The following NSUN6 variants were observed in gnomAD, a reference collection of about 807,000 sequenced individuals.
The protein encoded by NSUN6 is NOP2/Sun RNA methyltransferase 6, also known as tRNA (cytosine(72)-C(5))-methyltransferase NSUN6.
Under a neutral mutation model 58.0 loss-of-function variants are expected in NSUN6, and 64 were observed. The ratio of observed to expected loss-of-function variants is 1.10; its 90% CI spans 0.90 to 1.36. NSUN6 has a LOEUF of 1.36. Among genes scored for constraint, NSUN6 ranks in the 40% most tolerant of loss-of-function variants. The pLI is 0.00. For synonymous variants in NSUN6, 231 were observed against 193.9 expected (o/e 1.19, Z -1.59); for missense variants, 701 against 550.1 (o/e 1.27, Z -2.74).
In NSUN6 at chr10:18,626,628, C is replaced by T. The variant is rs974170779; in HGVS notation, c.312-10335G>A. ...ACTAAAAATACAAAAATTAGCTCAG[C>T]GTGATGCCAGACGCCTGTAATTCCA... is the stretch of plus-strand genomic sequence containing the variant. On this transcript the variant is annotated intron_variant, in intron 3 of 10. Transcript: ENST00000377304. Among the ~76,000 whole-genome samples the T allele has an allele frequency of 5.3e-5, 8 of 152,236 alleles. No homozygotes were observed. In the East Asian group the frequency reaches 5.8e-4, roughly 11 times the overall value.
intron 3 of NSUN6, among the ~76,000 whole-genome samples, chr10:18,626,149 A>G (rs1001903911): frequency 6.6e-6 from 1 of 152,058 alleles, no homozygotes. Context: ...TGAGAAATAA[A>G]CTGTGCCATA....
At chr10:18,602,640 G>A (rs1182349804) in intron 6 of NSUN6, among the ~76,000 whole-genome samples, 1 of 152,150 alleles carries the variant, frequency 6.6e-6, no homozygotes, top group African/African-American at 2.4e-5. Context: ...AAAGTGCTGG[G>A]ATTACAGGTA....
chr10:18,658,215 T>G (rs1439331522), upstream of NSUN6: 1 of 152,246 alleles, frequency 6.6e-6, no homozygotes, highest in Non-Finnish European at 1.5e-5. Context: ...AGGTTGAAAC[T>G]TGCCTTTAAT....
intron 8 of NSUN6, among the ~76,000 whole-genome samples, chr10:18,564,101 T>C (rs1450212133): frequency 1.3e-5 from 2 of 151,256 alleles, no homozygotes; most frequent in African/African-American, 4.8e-5. Context: ...CCATTCTCTA[T>C]TCCATTCCAT....
intron 8 of NSUN6, among the ~76,000 whole-genome samples, 182 bp downstream of exon 8, chr10:18,585,767 C>G (rs1465991704): frequency 6.8e-6 from 1 of 146,866 alleles, no homozygotes; most frequent in Non-Finnish European, 1.5e-5. Context: ...TTTTGTGTTT[C>G]AAAGCTGCTA....
At chr10:18,627,402 T>C (rs2058849571) in intron 3 of NSUN6, among the ~76,000 whole-genome samples, 1 of 152,054 alleles carries the variant, frequency 6.6e-6, no homozygotes, top group East Asian at 1.9e-4. Context: ...GAAAAAAGAA[T>C]AAAAATCTGA....
At chr10:18,554,241 G>A (rs558434954) in intron 8 of NSUN6, among the ~76,000 whole-genome samples, 4 of 149,090 alleles carry the variant, frequency 2.7e-5, no homozygotes, top group Admixed American at 1.3e-4. Flanking sequence ...GAGACTGGAA[G>A]GGAATGGAAA....
chr10:18,622,636 G>C (rs1352869255), intron 3 of NSUN6, among the ~76,000 whole-genome samples: 1 of 152,194 alleles, frequency 6.6e-6, no homozygotes, highest in East Asian at 1.9e-4. Flanking sequence ...CTTGAACACG[G>C]AGGTGGAAGT....
intron 8 of NSUN6, among the ~76,000 whole-genome samples, chr10:18,559,917 G>C (rs1440396549): frequency 6.7e-6 from 1 of 149,550 alleles, no homozygotes; most frequent in Non-Finnish European, 1.5e-5. Flanking sequence ...AATGGAGAAT[G>C]GATTGGAATG....
intron 3 of NSUN6, among the ~76,000 whole-genome samples, chr10:18,634,539 C>T (rs1330296019): frequency 1.3e-5 from 2 of 150,754 alleles, no homozygotes; most frequent in Admixed American, 6.7e-5. Flanking sequence ...ATCACAAAGT[C>T]AGGAGATTGA....
chr10:18,634,332 T>C lies in NSUN6; in HGVS notation c.311+8144A>G, dbSNP rs139411723. 8.2e-4 allele frequency among the ~76,000 whole-genome samples: 125 copies of C among 152,286 alleles called. 1 individual carries two copies. The highest frequency in any genetic ancestry group is 2.8e-3 in the African/African-American group (116 of 41,560). On this transcript the variant is annotated intron_variant, in intron 3 of 10. Transcript: ENST00000377304. ...GAAGCAGAGATAAGTAATACATCCC[T>C]ATGACTAGACAGTATTTTGAATCCC... is the stretch of plus-strand genomic sequence containing the variant.
chr10:18,656,262 G>A (rs908530334), upstream of NSUN6, among the ~76,000 whole-genome samples: 4 of 152,194 alleles, frequency 2.6e-5, no homozygotes, highest in African/African-American at 9.6e-5. Flanking sequence ...CTTAAAGGTT[G>A]AGGAAAGTTA....
intron 7 of NSUN6, among the ~76,000 whole-genome samples, chr10:18,588,752 C>A (rs1292868497): frequency 6.6e-6 from 1 of 152,204 alleles, no homozygotes; most frequent in Non-Finnish European, 1.5e-5. Context: ...CCACAACAAT[C>A]CCATCCAAAG....
intron 3 of NSUN6, among the ~76,000 whole-genome samples, chr10:18,634,680 T>C (rs1040203301): frequency 1.3e-5 from 2 of 152,082 alleles, no homozygotes; most frequent in Admixed American, 1.3e-4. Context: ...GAGAATGGCC[T>C]GAACCCAGGA....
intron 3 of NSUN6, among the ~76,000 whole-genome samples, chr10:18,632,427 C>T (rs1393720545): frequency 6.9e-6 from 1 of 144,226 alleles, no homozygotes; most frequent in Non-Finnish European, 1.5e-5. Flanking sequence ...AACTAAAGAG[C>T]TTCTGCACAG....
chr10:18,581,834 A>C (rs2056918372), intron 8 of NSUN6, among the ~76,000 whole-genome samples: 1 of 152,070 alleles, frequency 6.6e-6, no homozygotes, highest in African/African-American at 2.4e-5. Flanking sequence ...CAAAAAAAAA[A>C]AAAAGGGAAA....
At chr10:18,551,756 T>C in intron 9 of NSUN6, 67 bp downstream of exon 9, 2 of 1,358,268 alleles carry the variant, frequency 1.5e-6, no homozygotes, top group Non-Finnish European at 2.1e-6. Context: ...TGGAGATTGC[T>C]GTCAGTAGTT....
At chr10:18,587,490 G>A (rs2057203839) in intron 7 of NSUN6, among the ~76,000 whole-genome samples, 1 of 152,120 alleles carries the variant, frequency 6.6e-6, no homozygotes, top group Admixed American at 6.5e-5. Context: ...TCAAAATTTG[G>A]GAGGGGCCAA....
intron 3 of NSUN6, among the ~76,000 whole-genome samples, chr10:18,629,535 G>A (rs1320610686): frequency 1.4e-5 from 2 of 141,160 alleles, no homozygotes; most frequent in East Asian, 5.2e-4. Context: ...ACACACATAG[G>A]CTCAAAATAA....
Sources: allele counts gnomAD v4.1 joint callset (sites outside exome capture counted in the v4.1 genomes callset), GRCh38; gene constraint gnomAD v4.1.1; transcripts MANE v1.5; gene names NCBI Gene and HGNC (gene_info 2026-07-23, HGNC 2026-07-21).